KCNJ15: variants seen among roughly 807,000 people sequenced by gnomAD.
KCNJ15 encodes ATP-sensitive inward rectifier potassium channel 15.
A neutral mutation model predicts 23.0 loss-of-function variants in KCNJ15; 14 were observed. That is an observed-to-expected ratio of 0.61 (90% CI 0.40 to 0.95). The LOEUF (loss-of-function observed/expected upper bound fraction) is 0.95, where lower values mean the gene tolerates loss of function less well. Ranked by LOEUF, KCNJ15 falls within the 40% of genes least tolerant of loss-of-function variation. KCNJ15 has a pLI of 0.00. For synonymous variants in KCNJ15, 185 were observed against 183.2 expected (o/e 1.01, Z -0.08); for missense variants, 388 against 461.8 (o/e 0.84, Z 1.46).
chr21:38,266,257 A>T (rs1981452736), intron 1 of KCNJ15, among the ~76,000 whole-genome samples: 1 of 152,294 alleles, frequency 6.6e-6, no homozygotes, highest in African/African-American at 2.4e-5. Flanking sequence ...CATCTACATT[A>T]GGTATTTCTC....
chr21:38,241,073 G>A (rs980312007), intron 1 of KCNJ15, among the ~76,000 whole-genome samples: 24 of 152,276 alleles, frequency 1.6e-4, no homozygotes, highest in African/African-American at 4.1e-4. Context: ...AGAATGCCCA[G>A]GATAGAGAAC....
At chr21:38,234,566 C>G (rs575252653) in intron 1 of KCNJ15, among the ~76,000 whole-genome samples, 13 of 152,276 alleles carry the variant, frequency 8.5e-5, no homozygotes, top group African/African-American at 2.9e-4. Context: ...AAGGAACTTT[C>G]CAAGTTATTA....
At chr21:38,231,316 AT>A (rs767508649) in intron 1 of KCNJ15, among the ~76,000 whole-genome samples, 4 of 152,008 alleles carry the variant, frequency 2.6e-5, no homozygotes, top group Non-Finnish European at 5.9e-5. Flanking sequence ...ACCTTTCTAA[AT>A]TAATTTATTC....
intron 1 of KCNJ15, among the ~76,000 whole-genome samples, chr21:38,244,062 A>G (rs1012524847): frequency 3.3e-5 from 5 of 152,228 alleles, no homozygotes; most frequent in African/African-American, 1.2e-4. Flanking sequence ...TCATTTTTAG[A>G]TTATATAAGG....
intron 1 of KCNJ15, among the ~76,000 whole-genome samples, chr21:38,292,469 C>A (rs1379602477): frequency 6.6e-6 from 1 of 152,116 alleles, no homozygotes; most frequent in Non-Finnish European, 1.5e-5. Context: ...GGATATGATA[C>A]CCTTACAACT....
At chr21:38,280,799 C>A (rs895249318) in intron 1 of KCNJ15, among the ~76,000 whole-genome samples, 2 of 152,172 alleles carry the variant, frequency 1.3e-5, no homozygotes, top group African/African-American at 4.8e-5. Flanking sequence ...TCAGTGGCTC[C>A]TTTCTCAACA....
chr21:38,264,175 T>C (rs1304871391), intron 1 of KCNJ15, among the ~76,000 whole-genome samples: 2 of 152,262 alleles, frequency 1.3e-5, no homozygotes, highest in Non-Finnish European at 2.9e-5. Context: ...CACTGTATTT[T>C]ACAATTCTTT....
chr21:38,274,303 C>T (rs1473912844), intron 1 of KCNJ15, among the ~76,000 whole-genome samples: 2 of 152,226 alleles, frequency 1.3e-5, no homozygotes, highest in Non-Finnish European at 2.9e-5. Flanking sequence ...GTTTGTTCCA[C>T]ATCCTTCAGC....
rs1985884608 is a variant in KCNJ15 at position 38,302,671 on chromosome 21, C to G, written c.*2282C>G. ...GGGCATGTTTACACCTTTTCTGTTG[C>G]ACTATTAAATTCTTTTCACAGTATT... On this transcript the variant is annotated 3_prime_UTR_variant, in exon 3 of 3. Transcript: ENST00000398938. The G allele has an allele frequency of 6.6e-6, 1 of 152,106 alleles. No individual in the cohort carries two copies. Among genetic ancestry groups the G allele is most frequent in the Admixed American group, 6.5e-5 (1 of 15,278 alleles). The allele number at this position is 152,106 out of a possible 1,614,324, so 9.4% of individuals were successfully genotyped here.
rs116679686 is a variant in KCNJ15 at position 38,295,762 on chromosome 21, C to A, written c.-116-1164C>A. ...GAGTATGTATCAACACTGATTCAAA[C>A]TTCATGAAAGAAGTCTGCTGAGGAA... On this transcript the variant is annotated intron_variant, in intron 1 of 2. Transcript: ENST00000398938. Among the ~76,000 whole-genome samples, 487 of 152,254 alleles carry A rather than the reference C, an allele frequency of 3.2e-3. 6 individuals carry two copies. The highest frequency in any genetic ancestry group is 0.011 in the African/African-American group (462 of 41,550).
chr21:38,297,292 A>C (rs1985259803), intron 2 of KCNJ15, among the ~76,000 whole-genome samples: 1 of 152,226 alleles, frequency 6.6e-6, no homozygotes, highest in South Asian at 2.1e-4. Context: ...GATACAGTTC[A>C]TCCCAAGCCT....
intron 1 of KCNJ15, among the ~76,000 whole-genome samples, chr21:38,242,712 G>T (rs1371472944): frequency 3.3e-5 from 5 of 152,118 alleles, no homozygotes; most frequent in Non-Finnish European, 5.9e-5. Context: ...TCCCCAGGAG[G>T]CTCTATCTAA....
Position 38,301,797 on chromosome 21 carries a change from A to G in KCNJ15, c.*1408A>G, listed in dbSNP as rs906200915. On this transcript the variant is annotated 3_prime_UTR_variant, in exon 3 of 3. Coordinates refer to ENST00000398938, the MANE Select transcript of KCNJ15 (RefSeq NM_170736.3). ...CTGCATTCCTTTGAGGCAAAAAATAAATGGGCTATGACTGGTTAAATGTCC... is the reference window on the plus strand; with the variant it reads ...CTGCATTCCTTTGAGGCAAAAAATAGATGGGCTATGACTGGTTAAATGTCC... 7 of 167,068 alleles carry G rather than the reference A, an allele frequency of 4.2e-5. No homozygotes were observed. The highest frequency in any genetic ancestry group is 1.7e-4 in the African/African-American group (7 of 41,442). The allele number at this position is 167,068 out of a possible 1,614,324, so 10.3% of individuals were successfully genotyped here. A position where few individuals can be genotyped will look rare whatever the true frequency, so the allele number is the denominator to read the frequency against.
At chr21:38,259,475 C>T (rs1037960708) in intron 1 of KCNJ15, among the ~76,000 whole-genome samples, 1 of 152,130 alleles carries the variant, frequency 6.6e-6, no homozygotes, top group East Asian at 1.9e-4. Context: ...AAGCATTGCA[C>T]CCCGGATTAA....
intron 1 of KCNJ15, among the ~76,000 whole-genome samples, chr21:38,290,519 A>G (rs769754738): frequency 3.3e-5 from 5 of 152,152 alleles, no homozygotes; most frequent in Admixed American, 6.5e-5. Flanking sequence ...TTTCTAATGT[A>G]TAGTAGGGTG....
chr21:38,256,380 A>ATATAT (rs1555882102), upstream of KCNJ15, among the ~76,000 whole-genome samples: 8 of 136,038 alleles, frequency 5.9e-5, no homozygotes, highest in African/African-American at 1.5e-4. Flanking sequence ...ATATATATAT[A>ATATAT]ATATTTATCA....
intron 1 of KCNJ15, among the ~76,000 whole-genome samples, chr21:38,246,773 G>A (rs1293319162): frequency 1.3e-5 from 2 of 152,130 alleles, no homozygotes; most frequent in Non-Finnish European, 2.9e-5. Flanking sequence ...GGGTTAAAGG[G>A]AGCTGTTATT....
At position 38,300,457 on chromosome 21, in the gene KCNJ15, A is replaced by G; in HGVS notation, c.*68A>G. ...ACATCAGAACTCCCTTCAAACACAA[A>G]GATTGCTGTGAAAACGAAAATGTGT... is the stretch of plus-strand genomic sequence containing the variant. On this transcript the variant is annotated 3_prime_UTR_variant, in exon 3 of 3. Coordinates refer to ENST00000398938, the MANE Select transcript of KCNJ15 (RefSeq NM_170736.3). 3.5e-6 allele frequency: 5 copies of G among 1,426,430 alleles called. No homozygotes were observed. The highest frequency in any genetic ancestry group is 4.7e-6 in the Non-Finnish European group (5 of 1,052,980). 88.4% of individuals were successfully genotyped at this position (1,426,430 alleles called of 1,614,324 possible).
In KCNJ15 at chr21:38,293,618, GTGCTTC is replaced by G. The variant is rs1984847479; in HGVS notation, c.-116-3307_-116-3302del. Among the ~76,000 whole-genome samples, 3 of 152,208 alleles carry G rather than the reference GTGCTTC, an allele frequency of 2.0e-5. No homozygotes were observed. In the South Asian group the frequency reaches 6.2e-4, roughly 31 times the overall value. On this transcript the variant is annotated intron_variant, in intron 1 of 2. Transcript: ENST00000398938. ...TCCAAGTGTGCTGTAATCTCAACTG[GTGCTTC>G]CCCTGAAATCCTGATAATTCCCCTG...
Sources: allele counts gnomAD v4.1 joint callset (sites outside exome capture counted in the v4.1 genomes callset), GRCh38; gene constraint gnomAD v4.1.1; transcripts MANE v1.5; gene names NCBI Gene and HGNC (gene_info 2026-07-23, HGNC 2026-07-21).